Variants in SGCZ observed in about 807,000 individuals in gnomAD.
SGCZ encodes sarcoglycan zeta, also known as zeta-sarcoglycan.
Under a neutral mutation model 41.3 loss-of-function variants are expected in SGCZ, and 40 were observed. That is an observed-to-expected ratio of 0.97 (90% CI 0.75 to 1.26). SGCZ has a LOEUF of 1.26. SGCZ is among the 50% of genes most tolerant of loss of function. The pLI is 0.00. For missense variants in SGCZ, 552 were observed against 369.8 expected (o/e 1.49, Z -4.04); for synonymous variants, 206 against 137.5 (o/e 1.50, Z -3.49).
chr8:14,871,426 A>C (rs1804146502), intron 1 of SGCZ, among the ~76,000 whole-genome samples: 1 of 152,198 alleles, frequency 6.6e-6, no homozygotes, highest in Non-Finnish European at 1.5e-5. Flanking sequence ...CTATAAAGAT[A>C]CATGCACACA....
intron 2 of SGCZ, among the ~76,000 whole-genome samples, chr8:14,426,733 G>C (rs141464860): frequency 6.6e-6 from 1 of 152,084 alleles, no homozygotes; most frequent in African/African-American, 2.4e-5. Context: ...CTCACAGCAG[G>C]CAACTGGAAG....
intron 2 of SGCZ, among the ~76,000 whole-genome samples, chr8:14,428,497 ATT>A (rs1253022779): frequency 2.0e-5 from 3 of 152,194 alleles, no homozygotes; most frequent in African/African-American, 7.2e-5. Flanking sequence ...GTGAAAAGAA[ATT>A]AGAGTTGTAT....
At chr8:14,140,302 G>T (rs1319982613) in intron 5 of SGCZ, among the ~76,000 whole-genome samples, 1 of 152,082 alleles carries the variant, frequency 6.6e-6, no homozygotes, top group Non-Finnish European at 1.5e-5. Flanking sequence ...TCAACATACT[G>T]TTGAAAGTTC....
At chr8:14,919,861 T>C (rs901425264) in intron 1 of SGCZ, among the ~76,000 whole-genome samples, 1 of 152,162 alleles carries the variant, frequency 6.6e-6, no homozygotes, top group Non-Finnish European at 1.5e-5. Flanking sequence ...GAGGTTGCAG[T>C]GAGCCAAGAT....
intron 1 of SGCZ, among the ~76,000 whole-genome samples, chr8:15,164,617 T>G (rs565412129): frequency 6.7e-6 from 1 of 149,332 alleles, no homozygotes; most frequent in South Asian, 2.1e-4. Flanking sequence ...CTCCACCCCA[T>G]CAGCAGTTAA....
chr8:14,666,004 G>A (rs1267737361), intron 1 of SGCZ, among the ~76,000 whole-genome samples: 1 of 152,218 alleles, frequency 6.6e-6, no homozygotes, highest in African/African-American at 2.4e-5. Context: ...CAGCATGTAA[G>A]CCTTGCAGCA....
intron 1 of SGCZ, among the ~76,000 whole-genome samples, chr8:15,051,374 T>C (rs972807801): frequency 2.6e-5 from 4 of 152,226 alleles, no homozygotes; most frequent in African/African-American, 7.2e-5. Context: ...AATTGTTGTA[T>C]AGAATGAATA....
intron 1 of SGCZ, among the ~76,000 whole-genome samples, chr8:14,621,782 T>C (rs1382017260): frequency 6.6e-6 from 1 of 152,026 alleles, no homozygotes; most frequent in Non-Finnish European, 1.5e-5. Context: ...TCCCACCAGT[T>C]CTCTCCCCTG....
At chr8:15,178,617 T>A (rs1800068895) in intron 1 of SGCZ, among the ~76,000 whole-genome samples, 1 of 152,214 alleles carries the variant, frequency 6.6e-6, no homozygotes, top group African/African-American at 2.4e-5. Flanking sequence ...AACTTATTCA[T>A]CTTGCTCAGC....
At chr8:14,168,655 A>T (rs920449210) in intron 4 of SGCZ, among the ~76,000 whole-genome samples, 5 of 152,156 alleles carry the variant, frequency 3.3e-5, no homozygotes, top group African/African-American at 2.4e-5. Context: ...CTTTTTCTTT[A>T]TAAATTAGGC....
intron 1 of SGCZ, among the ~76,000 whole-genome samples, chr8:14,855,351 G>T (rs1018003357): frequency 6.6e-6 from 1 of 152,076 alleles, no homozygotes; most frequent in African/African-American, 2.4e-5. Flanking sequence ...TCCCCAGCCG[G>T]CATCTCCATT....
chr8:14,710,678 A>C (rs1809487823), intron 1 of SGCZ, among the ~76,000 whole-genome samples: 1 of 152,116 alleles, frequency 6.6e-6, no homozygotes, highest in Non-Finnish European at 1.5e-5. Flanking sequence ...CAGGACACAT[A>C]ATTTGTATCA....
chr8:14,344,273 C>T (rs1585387834), intron 2 of SGCZ, among the ~76,000 whole-genome samples: 1 of 151,464 alleles, frequency 6.6e-6, no homozygotes, highest in East Asian at 2.0e-4. Flanking sequence ...ATAATGGATA[C>T]TAAATTTAAC....
intron 2 of SGCZ, among the ~76,000 whole-genome samples, chr8:14,483,001 CAA>C (rs1491355492): frequency 2.0e-5 from 3 of 151,986 alleles, no homozygotes; most frequent in African/African-American, 7.2e-5. Flanking sequence ...CACACACACA[CAA>C]ACACATATCC....
At chr8:14,588,778 T>C (rs951326800) in intron 1 of SGCZ, among the ~76,000 whole-genome samples, 2 of 152,122 alleles carry the variant, frequency 1.3e-5, no homozygotes, top group African/African-American at 4.8e-5. Context: ...TAACAAAGAA[T>C]TTTTTTAATA....
chr8:14,216,855 T>C (rs962874238), intron 4 of SGCZ, among the ~76,000 whole-genome samples: 27 of 152,124 alleles, frequency 1.8e-4, no homozygotes, highest in African/African-American at 6.5e-4. Flanking sequence ...GTCCTAACAT[T>C]GTATTCAGCA....
chr8:14,136,145 A>G (rs1803190162), intron 5 of SGCZ, among the ~76,000 whole-genome samples: 1 of 152,192 alleles, frequency 6.6e-6, no homozygotes, highest in Admixed American at 6.5e-5. Flanking sequence ...AAAATATGAA[A>G]TGCTCTTCAA....
intron 1 of SGCZ, among the ~76,000 whole-genome samples, chr8:15,113,733 G>A (rs572604311): frequency 2.0e-5 from 3 of 152,240 alleles, no homozygotes; most frequent in Admixed American, 6.5e-5. Context: ...CCACCAGCTC[G>A]TTGATTCATG....
intron 1 of SGCZ, among the ~76,000 whole-genome samples, chr8:15,139,996 T>TG (rs1444186899): frequency 6.6e-6 from 1 of 151,864 alleles, no homozygotes; most frequent in Non-Finnish European, 1.5e-5. Flanking sequence ...TGGTGGGGGT[T>TG]GGGGGGACGG....
Sources: gnomAD v4.1 joint callset for allele counts (sites outside exome capture counted in the v4.1 genomes callset) on GRCh38, gnomAD v4.1.1 for gene constraint, MANE v1.5 for transcripts, NCBI Gene and HGNC (gene_info 2026-07-23, HGNC 2026-07-21) for gene names.